USP4: variants seen among roughly 807,000 people sequenced by gnomAD.
USP4 encodes ubiquitin specific peptidase 4.
USP4 carries 72 observed loss-of-function variants against 118.2 expected under a neutral mutation model. The ratio of observed to expected loss-of-function variants is 0.61; its 90% confidence interval spans 0.50 to 0.74. The LOEUF is 0.74. USP4 is among the 30% of genes least tolerant of loss of function. The pLI is 0.00. For synonymous variants in USP4, 415 were observed against 440.4 expected (o/e 0.94, Z 0.72); for missense variants, 1,037 against 1,185.7 (o/e 0.87, Z 1.84).
intron 19 of USP4, among the ~76,000 whole-genome samples, chr3:49,281,735 G>A (rs765740832): frequency 3.4e-5 from 5 of 147,764 alleles, no homozygotes; most frequent in East Asian, 4.0e-4. Context: ...AAAAAAGGCC[G>A]GGCACAGTGG....
chr3:49,316,724 G>A, intron 6 of USP4: 1 of 321,820 alleles, frequency 3.1e-6, no homozygotes, highest in Non-Finnish European at 5.8e-6. Context: ...TGGGTTCTGG[G>A]ATGAAGGAGA....
chr3:49,322,867 A>G (rs1348777123), intron 6 of USP4, among the ~76,000 whole-genome samples: 5 of 151,968 alleles, frequency 3.3e-5, no homozygotes, highest in African/African-American at 4.8e-5. Context: ...AGGGAAAAAA[A>G]AAAAAGAAAA....
chr3:49,284,902 T>A lies in USP4; in HGVS notation c.2218A>T (p.Met740Leu). 6.2e-7 allele frequency: 1 copy of A among 1,613,050 alleles called. No individual in the cohort carries two copies. Among genetic ancestry groups the A allele is most frequent in the Non-Finnish European group, 8.5e-7 (1 of 1,179,484 alleles). The change falls in exon 17 of 22, where the codon ATG (methionine) becomes TTG (leucine). Residue 740 changes from methionine to leucine, a missense_variant. Around this residue, in one of 3 missense-constraint regions of USP4, gnomAD observed 522 missense variants for 592.6 expected, o/e 0.88. Coordinates refer to ENST00000265560, the MANE Select transcript of USP4 (RefSeq NM_003363.4). ...LKLNSRSTLAMDWDSETRRLY... is the reference protein window; with the variant it reads ...LKLNSRSTLALDWDSETRRLY... ...CTCCGAGTTTCACTGTCCCAATCCATGGCCAGTGTAGATCGAGCTGAGGAG... is the reference window on the plus strand; with the variant it reads ...CTCCGAGTTTCACTGTCCCAATCCAAGGCCAGTGTAGATCGAGCTGAGGAG...
intron 2 of USP4, among the ~76,000 whole-genome samples, chr3:49,331,330 A>T (rs1301588497): frequency 6.6e-6 from 1 of 152,018 alleles, no homozygotes; most frequent in Non-Finnish European, 1.5e-5. Flanking sequence ...AAAAAAAAAA[A>T]AATCGGTAAA....
chr3:49,291,606 A>G (rs981627437), intron 15 of USP4, among the ~76,000 whole-genome samples: 8 of 151,554 alleles, frequency 5.3e-5, no homozygotes, highest in Admixed American at 1.3e-4. Flanking sequence ...AAAGAAAAAG[A>G]AAAGAAAAAA....
At chr3:49,286,978 T>C (rs1237415199) in intron 15 of USP4, among the ~76,000 whole-genome samples, 5 of 152,004 alleles carry the variant, frequency 3.3e-5, no homozygotes. Context: ...GCCTCCTGAG[T>C]AGCAGGGATT....
At chr3:49,317,310 T>C (rs1467651744) in intron 6 of USP4, 13 of 1,423,830 alleles carry the variant, frequency 9.1e-6, no homozygotes, top group Non-Finnish European at 1.2e-5. Context: ...CCAGCTTCTC[T>C]GTCAGCTGCC....
intron 19 of USP4, among the ~76,000 whole-genome samples, chr3:49,281,536 ATAC>A (rs2047028803): frequency 6.7e-6 from 1 of 150,096 alleles, no homozygotes; most frequent in Non-Finnish European, 1.5e-5. Context: ...ACACACATAT[ATAC>A]ATTTATATAT....
chr3:49,304,967 T>C (rs1013075841), intron 9 of USP4, among the ~76,000 whole-genome samples: 3 of 151,830 alleles, frequency 2.0e-5, no homozygotes, highest in Non-Finnish European at 4.4e-5. Context: ...TTTCACTATG[T>C]TGGTCAGGCT....
At chr3:49,302,624 T>A in intron 9 of USP4, 82 bp from the exon 10 acceptor site, 7 of 1,402,090 alleles carry the variant, frequency 5.0e-6, no homozygotes, top group Non-Finnish European at 6.8e-6. Flanking sequence ...CAAAAATAGC[T>A]CTGAGGAGTT....
intron 14 of USP4, 145 bp downstream of exon 14, chr3:49,294,262 G>A: frequency 2.3e-6 from 2 of 879,464 alleles, no homozygotes; most frequent in Non-Finnish European, 3.4e-6. Context: ...TGGGAGTACA[G>A]GCATGAGCCA....
At chr3:49,337,983 T>C (rs2047688352) in intron 1 of USP4, among the ~76,000 whole-genome samples, 2 of 137,186 alleles carry the variant, frequency 1.5e-5, no homozygotes, top group South Asian at 4.4e-4. Flanking sequence ...GAGGCAGAGA[T>C]TGCAGTGAGC....
At chr3:49,292,719 A>C (rs890322578) in intron 14 of USP4, 121 bp from the exon 15 acceptor site, 6 of 641,284 alleles carry the variant, frequency 9.4e-6, no homozygotes, top group Admixed American at 3.2e-5. Flanking sequence ...CTGACAAAGC[A>C]ATTTATGTAA....
chr3:49,299,729 AG>A (rs1340829769), intron 11 of USP4, among the ~76,000 whole-genome samples: 1 of 152,134 alleles, frequency 6.6e-6, no homozygotes, highest in Non-Finnish European at 1.5e-5. Context: ...CAAAACCAGA[AG>A]GCTAAGCAAT....
intron 4 of USP4, among the ~76,000 whole-genome samples, chr3:49,325,286 C>T (rs1575619403): frequency 6.6e-6 from 1 of 151,824 alleles, no homozygotes; most frequent in East Asian, 1.9e-4. Context: ...ACATAGAAAG[C>T]GAGAAAGCTT....
In USP4 at chr3:49,278,469, G is replaced by A. The variant is rs763103580; in HGVS notation, c.2734-18C>T. ...GCTTTAGTCTGAAATACAAGAGGGG[G>A]AAAGACCATTCAGTGCTTGGAAAAA... is the stretch of plus-strand genomic sequence containing the variant. On this transcript the variant is annotated intron_variant, in intron 21 of 21. Transcript: ENST00000265560. The A allele has an allele frequency of 7.8e-5, 125 of 1,610,662 alleles. 2 individuals carry two copies. The South Asian group carries it at 1.3e-3, about 16-fold the overall frequency.
chr3:49,278,723 A>G, intron 21 of USP4, 91 bp downstream of exon 21: 1 of 1,052,190 alleles, frequency 9.5e-7, no homozygotes, highest in Non-Finnish European at 1.4e-6. Context: ...TCACATCAGG[A>G]TGATGAAATA....
In USP4 at chr3:49,335,589, T is replaced by C. The variant is rs2047660748; in HGVS notation, c.109A>G (p.Ile37Val). The C allele has an allele frequency of 6.2e-7, 1 of 1,614,180 alleles. No individual in the cohort carries two copies. The highest frequency in any genetic ancestry group is 8.5e-7 in the Non-Finnish European group (1 of 1,180,040). The change falls in exon 2 of 22, where the codon ATT (isoleucine) becomes GTT (valine). Residue 37 changes from isoleucine (I) to valine (V), a missense_variant. By Grantham distance (29) the Ile-to-Val change is conservative. Coordinates refer to ENST00000265560, the MANE Select transcript of USP4 (RefSeq NM_003363.4). ...TLQRGAQWYL[I>V]DSRWFKQWKK... ...CACTGCTTGAACCACCGGCTGTCAATAAGATACCTAGAGAGAGACAGAAAT... is the reference window on the plus strand; with the variant it reads ...CACTGCTTGAACCACCGGCTGTCAACAAGATACCTAGAGAGAGACAGAAAT...
At chr3:49,307,831 T>C (rs927013812) in intron 8 of USP4, among the ~76,000 whole-genome samples, 1 of 151,424 alleles carries the variant, frequency 6.6e-6, no homozygotes, top group Non-Finnish European at 1.5e-5. Context: ...AAAACATACA[T>C]ACAAAACAAA....
Sources: allele counts gnomAD v4.1 joint callset (sites outside exome capture counted in the v4.1 genomes callset), GRCh38; gene constraint gnomAD v4.1.1; regional missense constraint gnomAD v4.1.1; transcripts MANE v1.5; gene names NCBI Gene and HGNC (gene_info 2026-07-23, HGNC 2026-07-21).